QTMAN: variants seen among roughly 807,000 people sequenced by gnomAD.
QTMAN encodes tRNA-queuosine alpha-mannosyltransferase.
At chr2:144,122,787 A>G in the QTMAN span, among the ~76,000 whole-genome samples, 3 of 152,210 alleles carry the variant, frequency 2.0e-5, no homozygotes, top group African/African-American at 4.8e-5. Context: ...TTGATATCTC[A>G]GTTCTATTAT....
chr2:143,973,029 T>C, the QTMAN span, among the ~76,000 whole-genome samples: 5 of 152,208 alleles, frequency 3.3e-5, no homozygotes, highest in African/African-American at 7.2e-5. Context: ...GACCTAACAA[T>C]TCTAAGTGCT....
the QTMAN span, chr2:144,006,593 G>A: frequency 6.6e-6 from 1 of 152,058 alleles, no homozygotes; most frequent in East Asian, 1.9e-4. Context: ...TTAAGTTTGA[G>A]TTTTTATTTG....
chr2:144,117,360 AGTCT>A, the QTMAN span, among the ~76,000 whole-genome samples: 2 of 152,182 alleles, frequency 1.3e-5, no homozygotes, highest in African/African-American at 4.8e-5. Flanking sequence ...CCACTTCCTC[AGTCT>A]GTCAACTCTA....
At chr2:143,952,775 G>C in the QTMAN span, 356 of 1,582,880 alleles carry the variant, frequency 2.2e-4, no homozygotes, top group Non-Finnish European at 2.8e-4. Flanking sequence ...GCAGCTACCT[G>C]GAAATATTTC....
the QTMAN span, among the ~76,000 whole-genome samples, chr2:144,171,109 C>T: frequency 6.6e-6 from 1 of 152,130 alleles, no homozygotes; most frequent in Non-Finnish European, 1.5e-5. Flanking sequence ...AAGATAATCA[C>T]CTTATTAATT....
chr2:143,991,800 G>A, the QTMAN span, among the ~76,000 whole-genome samples: 1 of 145,710 alleles, frequency 6.9e-6, no homozygotes, highest in African/African-American at 2.6e-5. Context: ...TCAGCCCCCT[G>A]CCCGGCCAGC....
the QTMAN span, among the ~76,000 whole-genome samples, chr2:144,109,269 A>C: frequency 6.6e-6 from 1 of 152,216 alleles, no homozygotes; most frequent in Non-Finnish European, 1.5e-5. Flanking sequence ...ATCTTTGACA[A>C]ACCTGACAAA....
chr2:144,097,633 T>A, the QTMAN span, among the ~76,000 whole-genome samples: 1 of 152,146 alleles, frequency 6.6e-6, no homozygotes, highest in Non-Finnish European at 1.5e-5. Context: ...ATAATATAGG[T>A]GCTGAATACT....
the QTMAN span, among the ~76,000 whole-genome samples, chr2:144,116,527 A>C: frequency 6.6e-6 from 1 of 152,198 alleles, no homozygotes; most frequent in Non-Finnish European, 1.5e-5. Context: ...GATTACAAAA[A>C]TAGAACTCCC....
At chr2:144,052,815 C>T in the QTMAN span, among the ~76,000 whole-genome samples, 2 of 152,166 alleles carry the variant, frequency 1.3e-5, no homozygotes, top group Non-Finnish European at 2.9e-5. Flanking sequence ...CCACACCCGA[C>T]TAATTTTATA....
the QTMAN span, among the ~76,000 whole-genome samples, chr2:144,038,124 T>A: frequency 1.3e-5 from 2 of 152,182 alleles, no homozygotes; most frequent in African/African-American, 4.8e-5. Context: ...GCTCGAGAAA[T>A]GTTTTTCCTT....
chr2:144,311,318 C>T, the QTMAN span, among the ~76,000 whole-genome samples: 1 of 152,170 alleles, frequency 6.6e-6, no homozygotes, highest in Admixed American at 6.5e-5. Flanking sequence ...CTACATTTTA[C>T]TGTTTTAAAT....
At chr2:144,072,413 C>T in the QTMAN span, among the ~76,000 whole-genome samples, 4 of 152,170 alleles carry the variant, frequency 2.6e-5, no homozygotes, top group Non-Finnish European at 4.4e-5. Flanking sequence ...TTTTCAGTTA[C>T]ATAGGCTATC....
the QTMAN span, among the ~76,000 whole-genome samples, chr2:144,298,701 A>G: frequency 6.6e-6 from 1 of 152,190 alleles, no homozygotes; most frequent in Non-Finnish European, 1.5e-5. Context: ...CACCAGGATC[A>G]AGGTCAGGAA....
At chr2:144,136,010 T>C in the QTMAN span, among the ~76,000 whole-genome samples, 2 of 152,028 alleles carry the variant, frequency 1.3e-5, no homozygotes, top group African/African-American at 4.8e-5. Flanking sequence ...AGTTCTACCA[T>C]CTAAAGATGA....
chr2:144,118,986 G>C, the QTMAN span, among the ~76,000 whole-genome samples: 1 of 152,244 alleles, frequency 6.6e-6, no homozygotes. Flanking sequence ...TCAGGGTCTG[G>C]ATGCCTTGTT....
chr2:144,004,549 TCTC>T, the QTMAN span, among the ~76,000 whole-genome samples: 1 of 151,922 alleles, frequency 6.6e-6, no homozygotes, highest in Non-Finnish European at 1.5e-5. Context: ...TTGCATAAAT[TCTC>T]CTAAAGAAAA....
At chr2:144,215,295 C>CAT in the QTMAN span, among the ~76,000 whole-genome samples, 14 of 148,712 alleles carry the variant, frequency 9.4e-5, no homozygotes, top group African/African-American at 2.5e-4. Flanking sequence ...CACACACACA[C>CAT]ACATATATAT....
chr2:144,095,301 C>A, the QTMAN span, among the ~76,000 whole-genome samples: 1 of 152,058 alleles, frequency 6.6e-6, no homozygotes, highest in Non-Finnish European at 1.5e-5. Flanking sequence ...TTTTATAATA[C>A]CATGAACATT....
Sources: gnomAD v4.1 joint callset for allele counts (sites outside exome capture counted in the v4.1 genomes callset) on GRCh38, gnomAD v4.1.1 for gene constraint, MANE v1.5 for transcripts, NCBI Gene and HGNC (gene_info 2026-07-23, HGNC 2026-07-21) for gene names.